The following SORCS1 variants were observed in gnomAD, a reference collection of about 807,000 sequenced individuals.
SORCS1 encodes sortilin related VPS10 domain containing receptor 1.
SORCS1 carries 60 observed loss-of-function variants against 146.1 expected under a neutral mutation model. The ratio of observed to expected loss-of-function variants is 0.41; its 90% CI spans 0.33 to 0.51. The LOEUF is 0.51. SORCS1 is among the 20% of genes least tolerant of loss of function. SORCS1 has a pLI of 0.21. For synonymous variants in SORCS1, 637 were observed against 584.0 expected (o/e 1.09, Z -1.31); for missense variants, 1,352 against 1,487.6 (o/e 0.91, Z 1.50).
At chr10:106,663,113 C>T (rs1850860648) in intron 17 of SORCS1, among the ~76,000 whole-genome samples, 1 of 151,888 alleles carries the variant, frequency 6.6e-6, no homozygotes, top group African/African-American at 2.4e-5. Context: ...TTTATAGTGG[C>T]AGAAAAAACA....
At chr10:106,774,600 G>A (rs767318391) in intron 4 of SORCS1, among the ~76,000 whole-genome samples, 27 of 152,010 alleles carry the variant, frequency 1.8e-4, no homozygotes, top group Non-Finnish European at 3.2e-4. Flanking sequence ...ATAGAAATCC[G>A]ACATATCCAT....
Position 106,730,133 on chromosome 10 carries a change from T to C in SORCS1, c.960-19A>G, listed in dbSNP as rs1398340276. Reference sequence around the variant, plus strand: ...CACAGACCTAAAAAATGGAGAAACATGAAAAGAAACATCCATATTAATGAC... The same window carrying C: ...CACAGACCTAAAAAATGGAGAAACACGAAAAGAAACATCCATATTAATGAC... On this transcript the variant is annotated intron_variant, in intron 5 of 25. Coordinates refer to ENST00000263054, the MANE Select transcript of SORCS1 (RefSeq NM_052918.5). The C allele has an allele frequency of 3.1e-6, 5 of 1,613,684 alleles. No individual in the cohort carries two copies. Among genetic ancestry groups the C allele is most frequent in the Non-Finnish European group, 4.2e-6 (5 of 1,179,662 alleles).
chr10:107,118,843 A>G (rs934908917), intron 1 of SORCS1, among the ~76,000 whole-genome samples: 8 of 152,214 alleles, frequency 5.3e-5, no homozygotes, highest in Non-Finnish European at 1.5e-5. Flanking sequence ...CAATGGATAC[A>G]GACAAGACAT....
At chr10:106,667,563 A>G (rs1851258207) in intron 17 of SORCS1, 126 bp downstream of exon 17, 1 of 622,286 alleles carries the variant, frequency 1.6e-6, no homozygotes, top group Non-Finnish European at 2.9e-6. Flanking sequence ...TAAAATGAAC[A>G]AAAGCAATTA....
intron 1 of SORCS1, among the ~76,000 whole-genome samples, chr10:107,152,438 T>G (rs1968888837): frequency 6.6e-6 from 1 of 152,126 alleles, no homozygotes; most frequent in African/African-American, 2.4e-5. Flanking sequence ...CGACAACTTG[T>G]TCCATGCATT....
At position 106,790,814 on chromosome 10, in the gene SORCS1, T is replaced by A. The variant is rs528269917; in HGVS notation, c.727-14122A>T. On this transcript the variant is annotated intron_variant, in intron 3 of 25. Coordinates refer to ENST00000263054, the MANE Select transcript of SORCS1 (RefSeq NM_052918.5). The stretch of plus-strand genomic sequence containing the variant: ...CTAGCTCTTGCTAGGTATGAATCTT[T>A]GTGTCAAAGATACAATAATTTTGTT... 2.6e-5 allele frequency among the ~76,000 whole-genome samples: 4 copies of A among 152,344 alleles called. No homozygotes were observed. In the South Asian group the frequency reaches 8.3e-4, roughly 32 times the overall value.
In SORCS1 at chr10:106,597,409, T is replaced by C. The variant is rs768557118; in HGVS notation, c.3207A>G (p.Val1069=). 3.7e-6 allele frequency: 6 copies of C among 1,614,032 alleles called. No individual in the cohort carries two copies. In the South Asian group the frequency reaches 5.5e-5, roughly 15 times the overall value. ...GGACTCCTGGCTTCAGCTCGAAGTG[T>C]ACTGAGTTTTGGTTGAGCGTGTGGA... ...LLIHTLNQNS[V]HFELKPGVRV... is the part of the protein sequence containing the mutation. The change falls in exon 24 of 26, where the codon GTA becomes GTG. Residue 1069 remains valine, a synonymous_variant. Coordinates refer to ENST00000263054, the MANE Select transcript of SORCS1 (RefSeq NM_052918.5).
chr10:107,167,783 CATATGTATATATATTCATAT>C (rs1345142515), upstream of SORCS1, among the ~76,000 whole-genome samples: 1 of 151,576 alleles, frequency 6.6e-6, no homozygotes, highest in Non-Finnish European at 1.5e-5. Flanking sequence ...ACAATATAAA[CATATGTATATATATTCATAT>C]ATATGCATAT....
intron 1 of SORCS1, among the ~76,000 whole-genome samples, chr10:107,075,745 A>C (rs756298803): frequency 6.6e-6 from 1 of 152,106 alleles, no homozygotes; most frequent in Admixed American, 6.6e-5. Flanking sequence ...GAACTTACTG[A>C]AACCTATTCT....
chr10:106,914,103 T>C (rs933515828), intron 2 of SORCS1, among the ~76,000 whole-genome samples: 1 of 152,090 alleles, frequency 6.6e-6, no homozygotes, highest in Non-Finnish European at 1.5e-5. Flanking sequence ...AAAAAGTAAA[T>C]CAAAGGCTAT....
At chr10:107,087,124 G>T (rs1800244763) in intron 1 of SORCS1, among the ~76,000 whole-genome samples, 1 of 152,176 alleles carries the variant, frequency 6.6e-6, no homozygotes, top group Admixed American at 6.5e-5. Flanking sequence ...TTCTTTTGTG[G>T]CTTCATCTCT....
At chr10:107,074,249 A>G (rs551671610) in intron 1 of SORCS1, among the ~76,000 whole-genome samples, 1 of 152,156 alleles carries the variant, frequency 6.6e-6, no homozygotes, top group South Asian at 2.1e-4. Context: ...CTGTCTCCAT[A>G]GTTTGGTCTT....
intron 2 of SORCS1, among the ~76,000 whole-genome samples, chr10:106,913,539 A>C (rs2138279295): frequency 6.6e-6 from 1 of 152,330 alleles, no homozygotes; most frequent in South Asian, 2.1e-4. Flanking sequence ...ATGAAATGCA[A>C]CTTAATTCTA....
intron 1 of SORCS1, among the ~76,000 whole-genome samples, chr10:106,964,279 A>G (rs1247807428): frequency 3.3e-5 from 5 of 152,176 alleles, no homozygotes; most frequent in Admixed American, 3.3e-4. Flanking sequence ...CTTTGGAACC[A>G]GAAGACGACC....
chr10:106,692,948 G>A (rs552751749), intron 9 of SORCS1, among the ~76,000 whole-genome samples: 1 of 151,684 alleles, frequency 6.6e-6, no homozygotes, highest in South Asian at 2.1e-4. Context: ...TGCCTATTAT[G>A]TACCAATAAA....
rs1022756508 is a variant in SORCS1 at position 106,924,474 on chromosome 10, T to G, written c.626+32039A>C. On this transcript the variant is annotated intron_variant, in intron 2 of 25. Coordinates refer to ENST00000263054, the MANE Select transcript of SORCS1 (RefSeq NM_052918.5). ...AAAATTCCACAGTTATCGATCTATCTATCTATCTATCTATCTATCTATCTA... is the reference window on the plus strand; with the variant it reads ...AAAATTCCACAGTTATCGATCTATCGATCTATCTATCTATCTATCTATCTA... Among the ~76,000 whole-genome samples the G allele has an allele frequency of 9.6e-5, 14 of 145,612 alleles. 1 individual carries two copies. In the South Asian group the frequency reaches 1.1e-3, roughly 12 times the overall value.
At chr10:106,923,538 A>T (rs1368089238) in intron 2 of SORCS1, among the ~76,000 whole-genome samples, 1 of 152,206 alleles carries the variant, frequency 6.6e-6, no homozygotes, top group Admixed American at 6.5e-5. Context: ...AGAAACTGCG[A>T]AACTGTTTTC....
rs569785200 is a variant in SORCS1, at chr10:106,877,235, T to C, written c.627-47562A>G. Among the ~76,000 whole-genome samples the C allele has an allele frequency of 2.6e-5, 4 of 152,100 alleles. No homozygotes were observed. The East Asian group carries it at 7.7e-4, about 29-fold the overall frequency. On this transcript the variant is annotated intron_variant, in intron 2 of 25. Transcript: ENST00000263054. The stretch of plus-strand genomic sequence containing the variant: ...CAAACTCAGGCTGGTTAATGGGCTG[T>C]AAGAGAAAAATGCTAGCATCAGTCT...
intron 5 of SORCS1, among the ~76,000 whole-genome samples, chr10:106,753,490 A>G (rs1468154154): frequency 1.3e-5 from 2 of 152,146 alleles, no homozygotes; most frequent in Admixed American, 6.5e-5. Context: ...AATATTCAAC[A>G]AGGCCTTGAG....
Sources: gnomAD v4.1 joint callset for allele counts (sites outside exome capture counted in the v4.1 genomes callset) on GRCh38, gnomAD v4.1.1 for gene constraint, MANE v1.5 for transcripts, NCBI Gene and HGNC (gene_info 2026-07-23, HGNC 2026-07-21) for gene names.